Variants in EYS observed in about 807,000 individuals in gnomAD.
EYS encodes protein eyes shut homolog.
In EYS, 250 loss-of-function variants were observed where a neutral mutation model predicts 282.1. The ratio of observed to expected loss-of-function variants is 0.89; its 90% CI spans 0.80 to 0.98. The LOEUF is 0.98. Among genes scored for constraint, EYS ranks in the 50% least tolerant of loss-of-function variants. The pLI is 0.00. For synonymous variants in EYS, 1,355 were observed against 1,282.9 expected (o/e 1.06, Z -1.20); for missense variants, 4,016 against 3,709.0 (o/e 1.08, Z -2.15).
At chr6:64,058,603 C>A (rs1771063039) in intron 33 of EYS, among the ~76,000 whole-genome samples, 1 of 152,182 alleles carries the variant, frequency 6.6e-6, no homozygotes, top group Admixed American at 6.5e-5. Context: ...TACTTTTCAA[C>A]ATGTTAAATC....
chr6:64,388,384 T>G (rs1448423270), intron 29 of EYS, among the ~76,000 whole-genome samples: 1 of 152,160 alleles, frequency 6.6e-6, no homozygotes, highest in Non-Finnish European at 1.5e-5. Context: ...AATCACTATC[T>G]TAGTGGACAA....
intron 22 of EYS, among the ~76,000 whole-genome samples, chr6:64,693,647 A>G (rs896340178): frequency 1.3e-5 from 2 of 152,208 alleles, no homozygotes; most frequent in Admixed American, 1.3e-4. Flanking sequence ...TTCAAAATTA[A>G]TAGACCCAAA....
intron 31 of EYS, among the ~76,000 whole-genome samples, chr6:64,194,441 G>A (rs1765217672): frequency 2.0e-5 from 3 of 152,182 alleles, no homozygotes; most frequent in South Asian, 4.1e-4. Flanking sequence ...CATCAAATAA[G>A]TTTTTGTGTA....
At chr6:65,144,095 C>A (rs1432357669) in intron 12 of EYS, among the ~76,000 whole-genome samples, 1 of 152,060 alleles carries the variant, frequency 6.6e-6, no homozygotes, top group Non-Finnish European at 1.5e-5. Context: ...AAATCACACT[C>A]CTCTCAATGC....
intron 22 of EYS, among the ~76,000 whole-genome samples, chr6:64,686,787 A>ATATATATGTGTGTGTATATATATATG (rs1263403462): frequency 6.2e-4 from 8 of 12,994 alleles, no homozygotes; most frequent in Non-Finnish European, 1.4e-3. Context: ...ATATATATAT[A>ATATATATGTGTGTGTATATATATATG]TGTGTGTATA....
intron 14 of EYS, among the ~76,000 whole-genome samples, chr6:64,985,236 T>TA (rs1770816936): frequency 6.6e-6 from 1 of 151,568 alleles, no homozygotes; most frequent in Non-Finnish European, 1.5e-5. Context: ...ATACAAATGT[T>TA]ATGACTTTGC....
chr6:65,697,740 A>C (rs1036226795), intron 1 of EYS, among the ~76,000 whole-genome samples: 3 of 152,160 alleles, frequency 2.0e-5, no homozygotes, highest in African/African-American at 7.2e-5. Context: ...AGACGATGGA[A>C]CCAATAACGA....
rs143763769 is a variant in EYS, at chr6:64,361,343, C to A, written c.6078+27347G>T. 2.6e-5 allele frequency among the ~76,000 whole-genome samples: 4 copies of A among 151,254 alleles called. No homozygotes were observed. In the South Asian group the frequency reaches 8.3e-4, roughly 31 times the overall value. On this transcript the variant is annotated intron_variant, in intron 29 of 42. Transcript: ENST00000503581. The stretch of plus-strand genomic sequence containing the variant: ...ATGGACAAGTAAACTGACTGCAGAG[C>A]GATATGATAACTACTAAAGGAATGT...
chr6:64,983,570 A>G (rs1428212559), intron 14 of EYS, among the ~76,000 whole-genome samples: 1 of 151,340 alleles, frequency 6.6e-6, no homozygotes, highest in Non-Finnish European at 1.5e-5. Flanking sequence ...TTTTAAAATC[A>G]TTATTTAAAG....
chr6:64,487,739 C>T (rs1005269667), intron 26 of EYS, among the ~76,000 whole-genome samples: 2 of 150,582 alleles, frequency 1.3e-5, no homozygotes, highest in Admixed American at 6.6e-5. Context: ...GTACAATATG[C>T]CTCTGTACTA....
intron 33 of EYS, among the ~76,000 whole-genome samples, chr6:64,032,024 T>G (rs546683584): frequency 2.9e-4 from 44 of 152,174 alleles, no homozygotes; most frequent in Admixed American, 1.1e-3. Context: ...TTTATGAGCT[T>G]TAACACTCAC....
intron 11 of EYS, among the ~76,000 whole-genome samples, chr6:65,316,867 T>A (rs1231787644): frequency 6.6e-6 from 1 of 152,198 alleles, no homozygotes; most frequent in African/African-American, 2.4e-5. Flanking sequence ...ATTTTCTTTA[T>A]CCAGTCTATC....
intron 5 of EYS, among the ~76,000 whole-genome samples, chr6:65,438,639 G>A (rs1214191600): frequency 1.3e-5 from 2 of 152,046 alleles, no homozygotes; most frequent in African/African-American, 4.8e-5. Context: ...TGTGTCTGTT[G>A]GCTGCATAAA....
intron 31 of EYS, among the ~76,000 whole-genome samples, chr6:64,107,292 TA>T (rs1238298696): frequency 7.2e-5 from 8 of 111,252 alleles, no homozygotes; most frequent in African/African-American, 3.5e-4. Flanking sequence ...TATTTATATA[TA>T]TATATATATA....
At chr6:65,409,429 G>GT (rs1468779779) in intron 5 of EYS, among the ~76,000 whole-genome samples, 1 of 152,116 alleles carries the variant, frequency 6.6e-6, no homozygotes, top group African/African-American at 2.4e-5. Flanking sequence ...ACATTAAAAC[G>GT]TAACTGCAGT....
chr6:64,510,995 G>A (rs1386198130), intron 26 of EYS, among the ~76,000 whole-genome samples: 1 of 151,872 alleles, frequency 6.6e-6, no homozygotes, highest in Non-Finnish European at 1.5e-5. Context: ...CATCTGTTCT[G>A]TCCTTCTCTC....
chr6:65,190,259 A>C (rs1398330498), intron 12 of EYS, among the ~76,000 whole-genome samples: 1 of 147,986 alleles, frequency 6.8e-6, no homozygotes, highest in Non-Finnish European at 1.5e-5. Context: ...TTTATGTTTA[A>C]TTTATATATT....
At chr6:64,655,604 A>G (rs1222463430) in intron 22 of EYS, among the ~76,000 whole-genome samples, 1 of 152,034 alleles carries the variant, frequency 6.6e-6, no homozygotes, top group Non-Finnish European at 1.5e-5. Flanking sequence ...CATGCTGTAT[A>G]CCTTAAAATG....
intron 2 of EYS, among the ~76,000 whole-genome samples, chr6:65,563,937 G>A (rs901450250): frequency 6.6e-6 from 1 of 152,002 alleles, no homozygotes; most frequent in African/African-American, 2.4e-5. Context: ...AAAGTGTCAA[G>A]GTACAAAATC....
Sources: allele counts gnomAD v4.1 joint callset (sites outside exome capture counted in the v4.1 genomes callset), GRCh38; gene constraint gnomAD v4.1.1; transcripts MANE v1.5; gene names NCBI Gene and HGNC (gene_info 2026-07-23, HGNC 2026-07-21).